Variants in DENND5B observed in about 807,000 individuals in gnomAD.
The protein encoded by DENND5B is DENN domain-containing protein 5B.
In DENND5B, 34 loss-of-function variants were observed where a neutral mutation model predicts 140.6. The ratio of observed to expected loss-of-function variants is 0.24; its 90% confidence interval spans 0.18 to 0.32. DENND5B has a LOEUF of 0.32. Ranked by LOEUF, DENND5B falls within the 10% of genes least tolerant of loss-of-function variation. The pLI, the probability that DENND5B is intolerant of heterozygous loss-of-function variation, is 1.00. For synonymous variants in DENND5B, 551 were observed against 562.1 expected (o/e 0.98, Z 0.28); for missense variants, 1,142 against 1,560.2 (o/e 0.73, Z 4.52).
intron 19 of DENND5B, among the ~76,000 whole-genome samples, chr12:31,391,984 C>G (rs1941171108): frequency 6.6e-6 from 1 of 151,518 alleles, no homozygotes; most frequent in Non-Finnish European, 1.5e-5. Flanking sequence ...ATTAAAAATA[C>G]AAAAATTAGT....
chr12:31,446,686 G>A (rs1022626617), intron 6 of DENND5B, among the ~76,000 whole-genome samples: 2 of 150,638 alleles, frequency 1.3e-5, no homozygotes, highest in African/African-American at 4.9e-5. Flanking sequence ...ACGAGGTCGG[G>A]AGATCGACAC....
intron 3 of DENND5B, among the ~76,000 whole-genome samples, chr12:31,463,417 T>G (rs1053492431): frequency 1.3e-5 from 2 of 152,186 alleles, no homozygotes; most frequent in South Asian, 4.1e-4. Context: ...AACCAAGGAT[T>G]GGGGCCTTTT....
At chr12:31,395,680 T>C (rs117365526) in intron 17 of DENND5B, among the ~76,000 whole-genome samples, 5,563 of 152,230 alleles carry the variant, frequency 0.037, 155 homozygotes, top group Middle Eastern at 0.065. Flanking sequence ...TAGAGACTAA[T>C]AGAAGAATCT....
chr12:31,582,145 G>A (rs1408779294), intron 1 of DENND5B, among the ~76,000 whole-genome samples: 1 of 152,032 alleles, frequency 6.6e-6, no homozygotes, highest in African/African-American at 2.4e-5. Context: ...CTATACATGT[G>A]GTGTGTACTC....
chr12:31,503,811 CAT>C (rs1263199359), intron 1 of DENND5B, among the ~76,000 whole-genome samples: 2 of 152,158 alleles, frequency 1.3e-5, no homozygotes, highest in African/African-American at 4.8e-5. Flanking sequence ...CTGATAAAAT[CAT>C]AGTCTGTTTC....
At position 31,411,196 on chromosome 12, in the gene DENND5B, G is replaced by A. The variant is rs150248604; in HGVS notation, c.2682-1812C>T. ...TGGGATTACAGGCATGTGCCACCAC[G>A]CCTGGCTAATTTTGTATTTTTAGTA... On this transcript the variant is annotated intron_variant, in intron 13 of 20. Transcript: ENST00000389082. 1.5e-3 allele frequency among the ~76,000 whole-genome samples: 229 copies of A among 151,610 alleles called. 1 individual carries two copies. The highest frequency in any genetic ancestry group is 4.9e-3 in the African/African-American group (203 of 41,344).
intron 1 of DENND5B, among the ~76,000 whole-genome samples, chr12:31,539,240 T>TA (rs1948608857): frequency 6.6e-6 from 1 of 151,886 alleles, no homozygotes; most frequent in Non-Finnish European, 1.5e-5. Flanking sequence ...AAAGCCATAA[T>TA]AAAAAATCTC....
intron 1 of DENND5B, among the ~76,000 whole-genome samples, chr12:31,582,781 C>T (rs892691092): frequency 6.6e-6 from 1 of 152,056 alleles, no homozygotes; most frequent in Non-Finnish European, 1.5e-5. Context: ...TTTCACTTGA[C>T]GATAAGGTTA....
At chr12:31,527,139 T>C (rs1948112991) in intron 1 of DENND5B, among the ~76,000 whole-genome samples, 1 of 152,050 alleles carries the variant, frequency 6.6e-6, no homozygotes, top group African/African-American at 2.4e-5. Context: ...CATTGAGGGA[T>C]CAGCACTGGG....
chr12:31,588,634 C>T (rs954819340), intron 1 of DENND5B, among the ~76,000 whole-genome samples: 2 of 152,144 alleles, frequency 1.3e-5, no homozygotes, highest in East Asian at 3.8e-4. Context: ...TATACAAATG[C>T]TACAACATTT....
chr12:31,436,795 A>G (rs1943780758), intron 7 of DENND5B, among the ~76,000 whole-genome samples: 1 of 152,014 alleles, frequency 6.6e-6, no homozygotes, highest in Non-Finnish European at 1.5e-5. Flanking sequence ...TCAGCCTCCC[A>G]AAGTGCTGGG....
intron 1 of DENND5B, among the ~76,000 whole-genome samples, chr12:31,531,909 C>G (rs570874158): frequency 1.3e-5 from 2 of 152,238 alleles, no homozygotes; most frequent in East Asian, 3.9e-4. Flanking sequence ...GGTCTTCAGC[C>G]AGACCTTACA....
At chr12:31,488,456 G>T (rs762834044) in intron 2 of DENND5B, among the ~76,000 whole-genome samples, 1 of 152,066 alleles carries the variant, frequency 6.6e-6, no homozygotes, top group African/African-American at 2.4e-5. Flanking sequence ...TTTCTTGAGC[G>T]CACATTCAAA....
intron 1 of DENND5B, among the ~76,000 whole-genome samples, chr12:31,563,985 T>C (rs1251938696): frequency 6.6e-6 from 1 of 152,006 alleles, no homozygotes; most frequent in Non-Finnish European, 1.5e-5. Flanking sequence ...AGCATGGTAG[T>C]GCATGCCTGT....
In DENND5B at chr12:31,423,634, G is replaced by A. The variant is rs183020620; in HGVS notation, c.2433C>T (p.Asp811=). ...CAAGGTGCTCTTGTTTCTCTTCTCT[G>A]TCCTGAAATTGAATTAAATGTGACC... ...ALWSHLIQFQ[D]REEKQEHLAE... Residue 811 remains aspartate (D), a synonymous_variant, in exon 11 of 21, where the codon GAC becomes GAT. Transcript: ENST00000389082. 6.2e-7 allele frequency: 1 copy of A among 1,613,858 alleles called. No individual in the cohort carries two copies. The highest frequency in any genetic ancestry group is 2.2e-5 in the East Asian group (1 of 44,858).
intron 1 of DENND5B, among the ~76,000 whole-genome samples, chr12:31,523,623 G>A (rs529683876): frequency 1.3e-5 from 2 of 150,358 alleles, no homozygotes; most frequent in African/African-American, 2.4e-5. Flanking sequence ...AAAAAAAGTC[G>A]TACAACACTG....
intron 7 of DENND5B, 84 bp downstream of exon 7, chr12:31,442,691 T>C: frequency 7.0e-7 from 1 of 1,418,844 alleles, no homozygotes. Context: ...TGTTTAATAG[T>C]TAAGCATTGT....
chr12:31,403,647 T>C (rs1459128229), intron 14 of DENND5B, among the ~76,000 whole-genome samples: 1 of 148,624 alleles, frequency 6.7e-6, no homozygotes, highest in Non-Finnish European at 1.5e-5. Context: ...CCTGTAATCC[T>C]AGCACTTTGG....
chr12:31,480,035 C>A lies in DENND5B; in HGVS notation c.458G>T (p.Cys153Phe). ...HYSSVYASSS[C>F]SMDSLASSLD... Reference sequence around the variant, plus strand: ...ACTACTTGCCAATGAGTCCATACTGCAGGAAGATGAAGCATACACACTGCT... The same window carrying A: ...ACTACTTGCCAATGAGTCCATACTGAAGGAAGATGAAGCATACACACTGCT... Residue 153 changes from cysteine (C) to phenylalanine (F), a missense_variant, in exon 3 of 21, where the codon TGC (cysteine) becomes TTC (phenylalanine). Physicochemically the swap from Cys to Phe is radical, Grantham distance 205. Transcript: ENST00000389082. The A allele has an allele frequency of 6.2e-7, 1 of 1,613,922 alleles. No individual in the cohort carries two copies. The highest frequency in any genetic ancestry group is 8.5e-7 in the Non-Finnish European group (1 of 1,179,828).
Sources: gnomAD v4.1 joint callset for allele counts (sites outside exome capture counted in the v4.1 genomes callset) on GRCh38, gnomAD v4.1.1 for gene constraint, MANE v1.5 for transcripts, NCBI Gene and HGNC (gene_info 2026-07-23, HGNC 2026-07-21) for gene names.